Variants in NEDD4 observed in about 807,000 individuals in gnomAD.
NEDD4 encodes NEDD4 E3 ubiquitin protein ligase.
NEDD4 carries 99 observed loss-of-function variants against 144.9 expected under a neutral mutation model. The observed-to-expected ratio is 0.68, with a 90% confidence interval of 0.58 to 0.81. The LOEUF (loss-of-function observed/expected upper bound fraction) is 0.81. Ranked by LOEUF, NEDD4 falls within the 30% of genes least tolerant of loss-of-function variation. The probability of loss-of-function intolerance (pLI) is 0.00; values close to 1 mark genes in which losing one functional copy is unlikely to be tolerated. For missense variants in NEDD4, 985 were observed against 1,065.9 expected (o/e 0.92, Z 1.06); for synonymous variants, 318 against 350.6 (o/e 0.91, Z 1.04).
rs1029639710 is a variant in NEDD4, at chr15:55,834,043, A to C, written c.2425T>G (p.Trp809Gly). The change falls in exon 26 of 29, where the codon TGG becomes GGG. Residue 809 changes from tryptophan (W) to glycine (G), a missense_variant. Physicochemically the swap from Trp to Gly is radical, Grantham distance 184 (BLOSUM62 -2). Transcript: ENST00000435532. ...AAATAGAAGTTTCAAATTACCTTCCAAAACCACTGTATAACCTGATGATTT... is the reference window on the plus strand; with the variant it reads ...AAATAGAAGTTTCAAATTACCTTCCCAAACCACTGTATAACCTGATGATTT... ...SANHQVIQWF[W>G]KAVLMMDSEK... is the part of the protein sequence containing the mutation. 6.2e-7 allele frequency: 1 copy of C among 1,606,858 alleles called. No individual in the cohort carries two copies. The highest frequency in any genetic ancestry group is 8.5e-7 in the Non-Finnish European group (1 of 1,177,720).
At chr15:55,900,501 C>T (rs901693387) in intron 5 of NEDD4, among the ~76,000 whole-genome samples, 6 of 152,214 alleles carry the variant, frequency 3.9e-5, no homozygotes, top group South Asian at 2.1e-4. Flanking sequence ...TAATATATTT[C>T]GGCAATTTTA....
At chr15:55,956,704 A>T (rs1472488091) in intron 2 of NEDD4, among the ~76,000 whole-genome samples, 1 of 152,174 alleles carries the variant, frequency 6.6e-6, no homozygotes, top group Non-Finnish European at 1.5e-5. Flanking sequence ...CTGTCTTATT[A>T]TAACTGTGTA....
At chr15:55,841,268 A>T (rs2033490122) in intron 19 of NEDD4, among the ~76,000 whole-genome samples, 1 of 152,234 alleles carries the variant, frequency 6.6e-6, no homozygotes, top group African/African-American at 2.4e-5. Context: ...ATGGAATATT[A>T]TTCTGCCTTA....
At chr15:55,952,415 T>G (rs2037258100) in intron 2 of NEDD4, among the ~76,000 whole-genome samples, 1 of 152,154 alleles carries the variant, frequency 6.6e-6, no homozygotes, top group Admixed American at 6.5e-5. Flanking sequence ...GAAATTCTTG[T>G]GATATATAGG....
At chr15:55,835,134 T>G (rs1055626366) in intron 24 of NEDD4, among the ~76,000 whole-genome samples, 1 of 152,242 alleles carries the variant, frequency 6.6e-6, no homozygotes, top group Non-Finnish European at 1.5e-5. Context: ...AGCCAAGTTC[T>G]TGACAGTGTT....
intron 5 of NEDD4, among the ~76,000 whole-genome samples, chr15:55,877,916 A>T (rs1419553243): frequency 1.3e-5 from 2 of 152,048 alleles, no homozygotes; most frequent in Non-Finnish European, 2.9e-5. Flanking sequence ...TGCATTTCTG[A>T]TATCTTCTCA....
At chr15:55,968,602 A>T (rs184919459) in intron 1 of NEDD4, among the ~76,000 whole-genome samples, 8 of 152,338 alleles carry the variant, frequency 5.3e-5, no homozygotes, top group East Asian at 1.9e-4. Flanking sequence ...CTAGTACAAG[A>T]TACCATATAG....
rs1745634073 is a variant in NEDD4, at chr15:55,860,717, T to G, written c.736A>C (p.Thr246Pro). 3 of 1,614,036 alleles carry G rather than the reference T, an allele frequency of 1.9e-6. 1 individual carries two copies. The South Asian group carries it at 3.3e-5, about 18-fold the overall frequency. Residue 246 changes from threonine to proline, a missense_variant, in exon 10 of 29, where the codon ACC (threonine) becomes CCC (proline). Coordinates refer to ENST00000435532, the MANE Select transcript of NEDD4 (RefSeq NM_006154.4). ...GTTTCCTCGGATATCTGCCGCCTGG[T>G]GGTAAATGCACGTTGTGCTTGCAGT... Reference protein sequence around the residue: ...IQLQAQRAFTTRRQISEETES... With the variant: ...IQLQAQRAFTPRRQISEETES...
At chr15:55,942,797 G>A (rs1486085783) in intron 4 of NEDD4, among the ~76,000 whole-genome samples, 1 of 152,206 alleles carries the variant, frequency 6.6e-6, no homozygotes, top group African/African-American at 2.4e-5. Context: ...GTGGGTAATG[G>A]ACAGAGGTTG....
intron 8 of NEDD4, 96 bp from the exon 9 acceptor site, chr15:55,863,175 C>T (rs780730934): frequency 7.1e-6 from 8 of 1,123,738 alleles, no homozygotes; most frequent in Non-Finnish European, 9.6e-6. Context: ...TTTATTATAT[C>T]AAGTTTTAGA....
intron 2 of NEDD4, among the ~76,000 whole-genome samples, chr15:55,963,143 T>TA (rs1488053401): frequency 6.6e-6 from 1 of 151,218 alleles, no homozygotes; most frequent in Admixed American, 6.6e-5. Flanking sequence ...TTATTTTTTT[T>TA]TTTTTTGAGA....
intron 11 of NEDD4, among the ~76,000 whole-genome samples, chr15:55,856,669 A>G (rs569196813): frequency 2.0e-4 from 31 of 152,274 alleles, no homozygotes; most frequent in African/African-American, 6.7e-4. Context: ...GCTGAAGTCA[A>G]TGACAACACA....
chr15:55,961,776 G>A (rs2037430668), intron 2 of NEDD4, among the ~76,000 whole-genome samples: 1 of 151,962 alleles, frequency 6.6e-6, no homozygotes, highest in South Asian at 2.1e-4. Context: ...GCCAGTTTGT[G>A]GTAATATTAT....
chr15:55,920,263 C>A (rs1175700976), intron 5 of NEDD4, among the ~76,000 whole-genome samples: 2 of 151,504 alleles, frequency 1.3e-5, no homozygotes, highest in African/African-American at 4.8e-5. Flanking sequence ...AAAATATATA[C>A]ACAATCTATT....
At position 55,925,699 on chromosome 15, in the gene NEDD4, C is replaced by T. The variant is rs573494001; in HGVS notation, c.238-1000G>A. Among the ~76,000 whole-genome samples the T allele has an allele frequency of 3.3e-5, 5 of 152,210 alleles. No homozygotes were observed. The South Asian group carries it at 1.0e-3, about 32-fold the overall frequency. On this transcript the variant is annotated intron_variant, in intron 4 of 28. Transcript: ENST00000435532. Reference sequence around the variant, plus strand: ...ACTATTGATAGAAAAAAGTCCTATGCTTGTGACAAAGATATCTAGATACCT... The same window carrying T: ...ACTATTGATAGAAAAAAGTCCTATGTTTGTGACAAAGATATCTAGATACCT...
intron 1 of NEDD4, among the ~76,000 whole-genome samples, chr15:55,988,776 T>C (rs1429329566): frequency 1.3e-5 from 2 of 152,072 alleles, no homozygotes; most frequent in Admixed American, 6.5e-5. Flanking sequence ...TGATGGGGCA[T>C]TGTGTCTGCA....
intron 5 of NEDD4, among the ~76,000 whole-genome samples, chr15:55,912,844 A>G (rs984232692): frequency 6.6e-6 from 1 of 152,162 alleles, no homozygotes; most frequent in South Asian, 2.1e-4. Flanking sequence ...GGCATATGTA[A>G]TAAACATATG....
rs1410793923 is a variant in NEDD4, at chr15:55,929,218, A to T, written c.238-4519T>A. On this transcript the variant is annotated intron_variant, in intron 4 of 28. Coordinates refer to ENST00000435532, the MANE Select transcript of NEDD4 (RefSeq NM_006154.4). ...TACCACCTTAGCCTCCAGATGGTAC[A>T]TGTACACACATGCACGAGCACGCAC... 2.0e-5 allele frequency among the ~76,000 whole-genome samples: 3 copies of T among 152,316 alleles called. No individual in the cohort carries two copies. In the East Asian group the frequency reaches 5.8e-4, roughly 29 times the overall value.
At chr15:55,908,681 T>A (rs772751341) in intron 5 of NEDD4, among the ~76,000 whole-genome samples, 1 of 152,174 alleles carries the variant, frequency 6.6e-6, no homozygotes, top group Non-Finnish European at 1.5e-5. Context: ...CACATGAGAA[T>A]TTAAAAATCA....
Sources: allele counts gnomAD v4.1 joint callset (sites outside exome capture counted in the v4.1 genomes callset), GRCh38; gene constraint gnomAD v4.1.1; transcripts MANE v1.5; gene names NCBI Gene and HGNC (gene_info 2026-07-23, HGNC 2026-07-21).